The following GIT2 variants were observed in gnomAD, a reference collection of about 807,000 sequenced individuals.
The protein encoded by GIT2 is GIT ArfGAP 2.
In GIT2, 32 loss-of-function variants were observed where a neutral mutation model predicts 100.3. The observed-to-expected ratio is 0.32, with a 90% CI of 0.24 to 0.43. The LOEUF is 0.43. Ranked by LOEUF, GIT2 falls within the 20% of genes least tolerant of loss-of-function variation. GIT2 has a pLI of 1.00. For missense variants in GIT2, 737 were observed against 975.1 expected, an observed-to-expected ratio of 0.76 and a Z score of 3.25; for synonymous variants, 353 against 364.1, an observed-to-expected ratio of 0.97 and a Z score of 0.35.
At chr12:109,945,777 A>C (rs1244459391) in intron 15 of GIT2, among the ~76,000 whole-genome samples, 1 of 152,236 alleles carries the variant, frequency 6.6e-6, no homozygotes, top group African/African-American at 2.4e-5. Context: ...TAAAATAAGA[A>C]AGTACACTGA....
intron 1 of GIT2, among the ~76,000 whole-genome samples, chr12:109,995,634 G>T (rs1327593825): frequency 6.6e-6 from 1 of 152,140 alleles, no homozygotes; most frequent in Non-Finnish European, 1.5e-5. Flanking sequence ...CCTAAGTGCT[G>T]GTTGTGTTTG....
intron 7 of GIT2, among the ~76,000 whole-genome samples, chr12:109,976,831 C>T (rs1390380692): frequency 3.4e-5 from 5 of 148,168 alleles, no homozygotes; most frequent in Non-Finnish European, 6.0e-5. Flanking sequence ...TCAGGTGATC[C>T]GCCTGCCTCG....
At chr12:109,987,226 CA>C (rs1244520342) in intron 4 of GIT2, among the ~76,000 whole-genome samples, 1 of 147,476 alleles carries the variant, frequency 6.8e-6, no homozygotes. Context: ...ACTAAAAATA[CA>C]AAAAAAATTA....
chr12:109,995,772 G>C (rs1161972152), intron 1 of GIT2, among the ~76,000 whole-genome samples: 2 of 152,216 alleles, frequency 1.3e-5, no homozygotes, highest in Admixed American at 6.5e-5. Flanking sequence ...AGGACACCCA[G>C]GCGGAGAAAG....
intron 18 of GIT2, among the ~76,000 whole-genome samples, chr12:109,937,017 A>G (rs1298033670): frequency 6.6e-6 from 1 of 152,210 alleles, no homozygotes; most frequent in Non-Finnish European, 1.5e-5. Flanking sequence ...CATGGTATGA[A>G]GAGAATGCCT....
chr12:109,936,595 C>T (rs1251928008), intron 18 of GIT2, among the ~76,000 whole-genome samples: 2 of 152,166 alleles, frequency 1.3e-5, no homozygotes, highest in Non-Finnish European at 2.9e-5. Context: ...TGGCCAAGCA[C>T]GGTGGCTCAC....
At position 109,953,100 on chromosome 12, in the gene GIT2, G is replaced by T. The variant is rs143551429; in HGVS notation, c.1234C>A (p.Arg412=). 2 of 1,613,946 alleles carry T rather than the reference G, an allele frequency of 1.2e-6. No homozygotes were observed. Among genetic ancestry groups the T allele is most frequent in the Non-Finnish European group, 1.7e-6 (2 of 1,179,954 alleles). Reference sequence around the variant, plus strand: ...GACGCATGGCCTCTCACCTTCTGCCGGTTTGTTTTGCTTGCAGTGGTTTCC... The same window carrying T: ...GACGCATGGCCTCTCACCTTCTGCCTGTTTGTTTTGCTTGCAGTGGTTTCC... The part of the protein sequence containing the change: ...DLETTASKTN[R]QKSLDSDLSD... The change falls in exon 13 of 20, where the codon CGG becomes AGG. Residue 412 remains arginine (R), a synonymous_variant. Coordinates refer to ENST00000355312, the MANE Select transcript of GIT2 (RefSeq NM_057169.5).
chr12:109,949,550 C>G (rs373764572), intron 14 of GIT2, among the ~76,000 whole-genome samples: 1 of 152,168 alleles, frequency 6.6e-6, no homozygotes, highest in African/African-American at 2.4e-5. Flanking sequence ...CCAGGCTACA[C>G]TTTTTTATTT....
intron 16 of GIT2, among the ~76,000 whole-genome samples, chr12:109,941,612 C>G (rs529042994): frequency 6.6e-6 from 1 of 151,866 alleles, no homozygotes; most frequent in Non-Finnish European, 1.5e-5. Context: ...ACCTCCGCCT[C>G]CCAGGTTCAA....
intron 1 of GIT2, 191 bp from the exon 2 acceptor site, chr12:109,991,951 T>C (rs1034934164): frequency 5.9e-6 from 3 of 512,086 alleles, no homozygotes; most frequent in Admixed American, 3.5e-5. Context: ...ACAATGTTAA[T>C]TGAGACTAAA....
In GIT2 at chr12:109,933,957, T is replaced by A; in HGVS notation, c.2067+65A>T. The A allele has an allele frequency of 1.1e-6, 1 of 876,490 alleles. No individual in the cohort carries two copies. Among genetic ancestry groups the A allele is most frequent in the Non-Finnish European group, 2.0e-6 (1 of 506,336 alleles). The allele number at this position is 876,490 out of a possible 1,614,324, so 54.3% of individuals were successfully genotyped here. Reference sequence around the variant, plus strand: ...CAAAAAAGCTAATGTAATATATAGGTCATAAAGAAATTTCTTGCTGTTCAT... The same window carrying A: ...CAAAAAAGCTAATGTAATATATAGGACATAAAGAAATTTCTTGCTGTTCAT... On this transcript the variant is annotated intron_variant, in intron 19 of 19. Transcript: ENST00000355312. The surrounding 1 kb of genome is among the most constrained non-coding windows in gnomAD (Gnocchi z 4.5).
intron 7 of GIT2, among the ~76,000 whole-genome samples, chr12:109,973,424 A>T (rs1163596332): frequency 6.6e-6 from 1 of 152,042 alleles, no homozygotes; most frequent in Non-Finnish European, 1.5e-5. Flanking sequence ...TACAGGCATG[A>T]GCCATCGCGC....
Position 109,959,895 on chromosome 12 carries a change from T to G in GIT2, c.1051A>C (p.Ser351Arg). The G allele has an allele frequency of 2.5e-6, 4 of 1,613,856 alleles. No individual in the cohort carries two copies. The highest frequency in any genetic ancestry group is 3.4e-6 in the Non-Finnish European group (4 of 1,179,750). Residue 351 changes from serine (S) to arginine (R), a missense_variant, in exon 12 of 20, where the codon AGT becomes CGT. By Grantham distance (110) the Ser-to-Arg change is moderately radical. Transcript: ENST00000355312. ...CCCTGCTGTCTCCTCTTGGCGTCAC[T>G]GAGAATGTCAATGACCAGCGTGGCA... Reference protein sequence around the residue: ...EFATLVIDILSDAKRRQQGSS... With the variant: ...EFATLVIDILRDAKRRQQGSS...
chr12:109,996,410 T>C, upstream of GIT2: 1 of 532,954 alleles, frequency 1.9e-6, no homozygotes, highest in Non-Finnish European at 3.3e-6. Context: ...GAGTGTCAGG[T>C]CATGTGACCG....
At chr12:109,997,167 T>C (rs893800225), upstream of GIT2, among the ~76,000 whole-genome samples, 3 of 133,872 alleles carry the variant, frequency 2.2e-5, no homozygotes, top group Non-Finnish European at 4.6e-5. Context: ...ATCACGCCAT[T>C]GCACTCCAGC....
Position 109,934,850 on chromosome 12 carries a change from C to T in GIT2, c.2004-765G>A, listed in dbSNP as rs569165872. On this transcript the variant is annotated intron_variant, in intron 18 of 19. Transcript: ENST00000355312. The surrounding 1 kb of genome is among the most constrained non-coding windows in gnomAD (Gnocchi z 4.5). ...CAGCACTTTGGGAGGCCAAAGCGGG[C>T]GGATCACCTGAGGTCAGGAGTTTGA... Among the ~76,000 whole-genome samples, 16 of 152,218 alleles carry T rather than the reference C, an allele frequency of 1.1e-4. No individual in the cohort carries two copies. Among genetic ancestry groups the T allele is most frequent in the South Asian group, 6.2e-4 (3 of 4,830 alleles).
At chr12:109,936,000 G>A (rs1033753702) in intron 18 of GIT2, among the ~76,000 whole-genome samples, 1 of 152,188 alleles carries the variant, frequency 6.6e-6, no homozygotes, top group African/African-American at 2.4e-5. Context: ...GTGAGGGCAG[G>A]AGTGAGGCTG....
At chr12:109,986,684 G>A (rs1283620705) in intron 4 of GIT2, among the ~76,000 whole-genome samples, 2 of 152,186 alleles carry the variant, frequency 1.3e-5, no homozygotes, top group Admixed American at 1.3e-4. Flanking sequence ...AGAATGGCAT[G>A]AACCCGGGAG....
chr12:109,983,320 C>T, intron 6 of GIT2, 53 bp downstream of exon 6: 1 of 1,560,504 alleles, frequency 6.4e-7, no homozygotes, highest in Non-Finnish European at 8.8e-7. Context: ...AACAAGGAAT[C>T]ACACCCAACA....
Sources: gnomAD v4.1 joint callset for allele counts (sites outside exome capture counted in the v4.1 genomes callset) on GRCh38, gnomAD v4.1.1 for gene constraint, Gnocchi (gnomAD v3.1) non-coding constraint, MANE v1.5 for transcripts, NCBI Gene and HGNC (gene_info 2026-07-23, HGNC 2026-07-21) for gene names.